AP1G1: variants seen among roughly 807,000 people sequenced by gnomAD.
AP1G1 encodes the protein adaptor related protein complex 1 subunit gamma 1.
A neutral mutation model predicts 108.3 loss-of-function variants in AP1G1; 7 were observed. The ratio of observed to expected loss-of-function variants is 0.06; its 90% CI spans 0.04 to 0.12. The LOEUF (loss-of-function observed/expected upper bound fraction) is 0.12. Ranked by LOEUF, AP1G1 falls within the 10% of genes least tolerant of loss-of-function variation. The probability of loss-of-function intolerance (pLI) is 1.00; values close to 1 mark genes in which losing one functional copy is unlikely to be tolerated. For synonymous variants in AP1G1, 379 were observed against 353.5 expected, an observed-to-expected ratio of 1.07 and a Z score of -0.81; for missense variants, 756 against 1,010.7, an observed-to-expected ratio of 0.75 and a Z score of 3.42.
intron 4 of AP1G1, among the ~76,000 whole-genome samples, chr16:71,771,909 T>C (rs544547398): frequency 1.3e-5 from 2 of 152,252 alleles, no homozygotes; most frequent in South Asian, 2.1e-4. Context: ...AGAAAATCAT[T>C]TGAAAAATAC....
chr16:71,745,809 A>G (rs1235975205), intron 17 of AP1G1, among the ~76,000 whole-genome samples, 195 bp from the exon 18 acceptor site: 1 of 150,802 alleles, frequency 6.6e-6, no homozygotes, highest in Non-Finnish European at 1.5e-5. Flanking sequence ...AGACAAAAAA[A>G]TCTTGAATAA....
chr16:71,787,401 G>T (rs557846923), intron 2 of AP1G1, among the ~76,000 whole-genome samples: 1 of 151,618 alleles, frequency 6.6e-6, no homozygotes, highest in Non-Finnish European at 1.5e-5. Flanking sequence ...GGCTGAGGTA[G>T]GAGAACTTGA....
chr16:71,764,729 A>C lies in AP1G1; in HGVS notation c.739-3T>G. ...CTTAATAACCGCAAAATTCGTACCT[A>C]ACGTGCAAAAGATGAGAGGTGTCAA... On this transcript the variant is annotated splice_region_variant and splice_polypyrimidine_tract_variant and intron_variant, in intron 7 of 22. Coordinates refer to ENST00000299980, the MANE Select transcript of AP1G1 (RefSeq NM_001128.6). 6.2e-7 allele frequency: 1 copy of C among 1,601,214 alleles called. No homozygotes were observed. The highest frequency in any genetic ancestry group is 8.5e-7 in the Non-Finnish European group (1 of 1,174,248).
chr16:71,804,429 G>C (rs1199531905), intron 1 of AP1G1, among the ~76,000 whole-genome samples: 1 of 122,468 alleles, frequency 8.2e-6, no homozygotes, highest in Non-Finnish European at 1.7e-5. Context: ...TTTTTTTTGA[G>C]ACAGAGCCTC....
intron 2 of AP1G1, among the ~76,000 whole-genome samples, chr16:71,784,495 A>G (rs1220801915): frequency 6.6e-6 from 1 of 152,158 alleles, no homozygotes; most frequent in African/African-American, 2.4e-5. Flanking sequence ...TTTCTCTTTA[A>G]TGTAGATGCT....
chr16:71,774,662 T>C, intron 2 of AP1G1, 70 bp from the exon 3 acceptor site: 1 of 1,474,828 alleles, frequency 6.8e-7, no homozygotes, highest in Non-Finnish European at 9.1e-7. Context: ...GCAGTGTTTT[T>C]AACCCAGAGT....
intron 11 of AP1G1, chr16:71,756,424 T>C (rs961052586): frequency 6.7e-6 from 2 of 298,590 alleles, no homozygotes; most frequent in Non-Finnish European, 1.2e-5. Flanking sequence ...AACATGCAGC[T>C]TGGGTTCAAC....
intron 1 of AP1G1, among the ~76,000 whole-genome samples, chr16:71,796,996 C>A (rs552213780): frequency 1.4e-5 from 2 of 147,218 alleles, no homozygotes; most frequent in South Asian, 2.2e-4. Flanking sequence ...ACAGCAAGAC[C>A]CTGACTCTTA....
intron 2 of AP1G1, chr16:71,777,803 T>TCA: frequency 2.5e-6 from 1 of 408,124 alleles, no homozygotes; most frequent in South Asian, 1.9e-5. Context: ...GGTGCCCAAC[T>TCA]CAGCCACTGC....
intron 18 of AP1G1, 73 bp downstream of exon 18, chr16:71,745,400 C>T: frequency 1.2e-6 from 2 of 1,609,798 alleles, no homozygotes; most frequent in Middle Eastern, 1.8e-4. Context: ...TAAAGGGACT[C>T]AGCTAAGAGA....
Position 71,761,464 on chromosome 16 carries a change from A to G in AP1G1, c.974+48T>C, listed in dbSNP as rs1256402108. ...TCTTGAGCAGAATCGCTCTTAAAAT[A>G]CTGGGCTTATAATATCCAAGATAAA... On this transcript the variant is annotated intron_variant, in intron 10 of 22. Transcript: ENST00000299980. The G allele has an allele frequency of 3.1e-6, 4 of 1,299,210 alleles. No homozygotes were observed. In the African/African-American group the frequency reaches 4.4e-5, roughly 14 times the overall value. The allele number at this position is 1,299,210 out of a possible 1,614,324, so 80.5% of individuals were successfully genotyped here.
At chr16:71,752,583 A>G (rs1269005427) in intron 13 of AP1G1, among the ~76,000 whole-genome samples, 1 of 152,274 alleles carries the variant, frequency 6.6e-6, no homozygotes, top group East Asian at 1.9e-4. Flanking sequence ...ACTATAAACA[A>G]TATTAGGATG....
chr16:71,797,032 A>G (rs1005739091), intron 1 of AP1G1, among the ~76,000 whole-genome samples: 2 of 149,736 alleles, frequency 1.3e-5, no homozygotes, highest in Non-Finnish European at 3.0e-5. Context: ...ATATATATAT[A>G]TATGTATGTA....
intron 2 of AP1G1, among the ~76,000 whole-genome samples, chr16:71,782,864 G>C (rs558830333): frequency 6.6e-6 from 1 of 152,202 alleles, no homozygotes; most frequent in East Asian, 1.9e-4. Context: ...GAAACCTTCT[G>C]ACATGATCTT....
intron 2 of AP1G1, chr16:71,777,601 G>T: frequency 2.5e-6 from 1 of 404,116 alleles, no homozygotes; most frequent in Non-Finnish European, 5.2e-6. Flanking sequence ...GTTGGCAGGC[G>T]GTCATGCCGA....
intron 7 of AP1G1, among the ~76,000 whole-genome samples, chr16:71,765,283 T>C (rs1044471916): frequency 3.9e-5 from 6 of 152,214 alleles, no homozygotes; most frequent in Non-Finnish European, 7.3e-5. Flanking sequence ...GGCAAGATTG[T>C]GCCACTGCAC....
intron 1 of AP1G1, among the ~76,000 whole-genome samples, chr16:71,799,463 A>G (rs539561619): frequency 5.9e-5 from 9 of 152,224 alleles, no homozygotes; most frequent in Non-Finnish European, 1.2e-4. Flanking sequence ...TTAAAGGAAC[A>G]AGATAGAATT....
intron 11 of AP1G1, among the ~76,000 whole-genome samples, chr16:71,757,647 G>A (rs1176307369): frequency 6.6e-6 from 1 of 152,198 alleles, no homozygotes; most frequent in African/African-American, 2.4e-5. Context: ...TTGAGGCACT[G>A]AAAGTTTAAG....
chr16:71,791,371 C>G (rs2032392578), intron 1 of AP1G1, among the ~76,000 whole-genome samples: 1 of 151,966 alleles, frequency 6.6e-6, no homozygotes, highest in South Asian at 2.1e-4. Context: ...ACAATTGAGA[C>G]CTATTTGATC....
Sources: allele counts gnomAD v4.1 joint callset (sites outside exome capture counted in the v4.1 genomes callset), GRCh38; gene constraint gnomAD v4.1.1; transcripts MANE v1.5; gene names NCBI Gene and HGNC (gene_info 2026-07-23, HGNC 2026-07-21).